The following WDFY3 variants were observed in gnomAD, a reference collection of about 807,000 sequenced individuals.
WDFY3 encodes the protein WD repeat and FYVE domain containing 3.
Under a neutral mutation model 409.6 loss-of-function variants are expected in WDFY3, and 66 were observed. The observed-to-expected ratio is 0.16, with a 90% CI of 0.13 to 0.20. The LOEUF is 0.20. WDFY3 is among the 10% of genes least tolerant of loss of function. WDFY3 has a pLI of 1.00. For missense variants in WDFY3, 3,031 were observed against 4,298.1 expected, an observed-to-expected ratio of 0.71 and a Z score of 8.24; for synonymous variants, 1,521 against 1,537.1, an observed-to-expected ratio of 0.99 and a Z score of 0.25.
intron 4 of WDFY3, among the ~76,000 whole-genome samples, chr4:84,854,303 A>G (rs940699334): frequency 1.1e-3 from 166 of 152,278 alleles, no homozygotes; most frequent in African/African-American, 3.8e-3. Context: ...CATTTTGTAT[A>G]AGAGGAAAAA....
intron 5 of WDFY3, among the ~76,000 whole-genome samples, chr4:84,846,413 ATCT>A (rs952777597): frequency 4.6e-5 from 7 of 152,024 alleles, no homozygotes; most frequent in Non-Finnish European, 8.8e-5. Context: ...ACAATGAGAC[ATCT>A]TCTACTTGAT....
chr4:84,736,954 T>C (rs1417484490), intron 41 of WDFY3, among the ~76,000 whole-genome samples: 1 of 149,776 alleles, frequency 6.7e-6, no homozygotes. Context: ...CATTACATTC[T>C]GAATGCATAA....
At chr4:84,775,915 G>A (rs549732676) in intron 27 of WDFY3, among the ~76,000 whole-genome samples, 7 of 151,858 alleles carry the variant, frequency 4.6e-5, no homozygotes, top group African/African-American at 1.7e-4. Context: ...TTTTCCAGAT[G>A]ACAGAATTCA....
At position 84,785,959 on chromosome 4, in the gene WDFY3, C is replaced by G; in HGVS notation, c.4062+20G>C. ...CCAGTGAGAATCAGCCATAGTACAC[C>G]AAGAAATCATTCTGCTTACCTGCTT... On this transcript the variant is annotated intron_variant, in intron 24 of 67. Coordinates refer to ENST00000295888, the MANE Select transcript of WDFY3 (RefSeq NM_014991.6). 1.2e-6 allele frequency: 2 copies of G among 1,612,724 alleles called. No homozygotes were observed. Among genetic ancestry groups the G allele is most frequent in the Non-Finnish European group, 1.7e-6 (2 of 1,179,454 alleles).
chr4:84,909,632 A>T (rs912568900), intron 2 of WDFY3, among the ~76,000 whole-genome samples: 3 of 152,086 alleles, frequency 2.0e-5, no homozygotes, highest in Admixed American at 6.5e-5. Flanking sequence ...TTCCTTATAA[A>T]ATACTAATAT....
At chr4:84,825,624 C>T (rs917640196) in intron 10 of WDFY3, among the ~76,000 whole-genome samples, 6 of 152,088 alleles carry the variant, frequency 3.9e-5, no homozygotes, top group South Asian at 2.1e-4. Flanking sequence ...AACTTATGTA[C>T]TGAGGGCACA....
chr4:84,927,332 GAC>G (rs1164608483), intron 2 of WDFY3, among the ~76,000 whole-genome samples: 3 of 135,976 alleles, frequency 2.2e-5, no homozygotes, highest in East Asian at 2.2e-4. Context: ...CACACACACA[GAC>G]ACACACACAC....
At chr4:84,724,302 T>C in intron 46 of WDFY3, 124 bp downstream of exon 46, 2 of 1,111,760 alleles carry the variant, frequency 1.8e-6, no homozygotes, top group South Asian at 3.6e-5. Flanking sequence ...GGTGAGATGG[T>C]AAAATGTGTA....
At chr4:84,833,796 A>T (rs1389082822) in intron 7 of WDFY3, among the ~76,000 whole-genome samples, 4 of 152,214 alleles carry the variant, frequency 2.6e-5, no homozygotes, top group African/African-American at 9.7e-5. Context: ...TATCTGAGAA[A>T]ACTAGGCCTT....
chr4:84,824,109 A>G (rs1214845642), intron 10 of WDFY3, among the ~76,000 whole-genome samples: 1 of 152,192 alleles, frequency 6.6e-6, no homozygotes, highest in Non-Finnish European at 1.5e-5. Flanking sequence ...GATACATGCA[A>G]TAACATAGGT....
chr4:84,888,021 G>A (rs187295691), intron 3 of WDFY3, among the ~76,000 whole-genome samples: 37 of 152,164 alleles, frequency 2.4e-4, no homozygotes, highest in South Asian at 6.2e-4. Flanking sequence ...ACTCATGAGC[G>A]GTATCTTGGC....
chr4:84,759,284 C>A (rs996342245), intron 32 of WDFY3, among the ~76,000 whole-genome samples: 1 of 152,004 alleles, frequency 6.6e-6, no homozygotes, highest in African/African-American at 2.4e-5. Flanking sequence ...CTTGGGGATG[C>A]GGGCTCTTTT....
At chr4:84,888,207 AT>A in intron 3 of WDFY3, among the ~76,000 whole-genome samples, 1 of 152,208 alleles carries the variant, frequency 6.6e-6, no homozygotes, top group Non-Finnish European at 1.5e-5. Context: ...TAAGGAAATC[AT>A]TTCTTGGAAG....
intron 4 of WDFY3, among the ~76,000 whole-genome samples, chr4:84,850,911 T>G (rs1241805695): frequency 6.7e-6 from 1 of 148,198 alleles, no homozygotes; most frequent in African/African-American, 2.5e-5. Flanking sequence ...AATTCTTATT[T>G]TTAATTTTAT....
Position 84,803,471 on chromosome 4 carries a change from T to TA in WDFY3, c.2430-5dup, listed in dbSNP as rs1560801562. 1.3e-6 allele frequency: 2 copies of TA among 1,598,040 alleles called. No individual in the cohort carries two copies. The highest frequency in any genetic ancestry group is 2.2e-5 in the East Asian group (1 of 44,692). On this transcript the variant is annotated splice_region_variant and splice_polypyrimidine_tract_variant and intron_variant, in intron 15 of 67. Coordinates refer to ENST00000295888, the MANE Select transcript of WDFY3 (RefSeq NM_014991.6). ...TGAAACAGAATGATATGCATGCCTATAAAAAAAGAAAGAGTAAATTTGGTA... is the reference window on the plus strand; with the variant it reads ...TGAAACAGAATGATATGCATGCCTATAAAAAAAAGAAAGAGTAAATTTGGTA...
chr4:84,672,535 T>C lies in WDFY3; in HGVS notation c.*333A>G, dbSNP rs764989326. On this transcript the variant is annotated 3_prime_UTR_variant, in exon 68 of 68. Coordinates refer to ENST00000295888, the MANE Select transcript of WDFY3 (RefSeq NM_014991.6). ...GTTGGTTTTTCCAAATAAGGATGAG[T>C]AGCTCTATAAAAATGAGATGCAAGA... 8.0e-5 allele frequency: 14 copies of C among 174,424 alleles called. No homozygotes were observed. Among genetic ancestry groups the C allele is most frequent in the African/African-American group, 1.2e-4 (5 of 42,290 alleles). The allele number at this position is 174,424 out of a possible 1,614,324, so 10.8% of individuals were successfully genotyped here.
rs781513825 is a variant in WDFY3 at position 84,702,343 on chromosome 4, C to T, written c.8596+10G>A. On this transcript the variant is annotated intron_variant, in intron 56 of 67. Coordinates refer to ENST00000295888, the MANE Select transcript of WDFY3 (RefSeq NM_014991.6). ...TAACATTCCTAAGACAGTGCCATAG[C>T]TCTACGTACCTAGATCAAAGTTGTT... 2 of 1,595,438 alleles carry T rather than the reference C, an allele frequency of 1.3e-6. No individual in the cohort carries two copies. Among genetic ancestry groups the T allele is most frequent in the Non-Finnish European group, 1.7e-6 (2 of 1,172,086 alleles).
At chr4:84,932,715 A>G (rs547867336) in intron 1 of WDFY3, among the ~76,000 whole-genome samples, 4 of 152,294 alleles carry the variant, frequency 2.6e-5, no homozygotes, top group East Asian at 1.9e-4. Flanking sequence ...ACTCATTTGT[A>G]TATCACAGAC....
chr4:84,833,646 C>G (rs1756089618), intron 7 of WDFY3, among the ~76,000 whole-genome samples: 1 of 138,518 alleles, frequency 7.2e-6, no homozygotes, highest in Non-Finnish European at 1.6e-5. Flanking sequence ...AGAGTGAGAC[C>G]TTGTCTCAAA....
Sources: allele counts gnomAD v4.1 joint callset (sites outside exome capture counted in the v4.1 genomes callset), GRCh38; gene constraint gnomAD v4.1.1; transcripts MANE v1.5; gene names NCBI Gene and HGNC (gene_info 2026-07-23, HGNC 2026-07-21).